The following EML5 variants were observed in gnomAD, a reference collection of about 807,000 sequenced individuals.
The protein encoded by EML5 is EMAP like 5.
A neutral mutation model predicts 250.0 loss-of-function variants in EML5; 120 were observed. The observed-to-expected ratio is 0.48, with a 90% confidence interval of 0.41 to 0.56. The LOEUF (loss-of-function observed/expected upper bound fraction) is 0.56. EML5 is among the 20% of genes least tolerant of loss of function. EML5 has a pLI of 0.00. For missense variants in EML5, 2,006 were observed against 2,437.6 expected (o/e 0.82, Z 3.73); for synonymous variants, 771 against 806.5 (o/e 0.96, Z 0.75).
chr14:88,669,527 C>T (rs1372232597), intron 21 of EML5, among the ~76,000 whole-genome samples: 7 of 152,114 alleles, frequency 4.6e-5, no homozygotes, highest in South Asian at 2.1e-4. Flanking sequence ...CCTCACTGTG[C>T]GGGGCCTCCC....
chr14:88,778,778 A>AAAAACAAAAC (rs201281131), intron 1 of EML5, among the ~76,000 whole-genome samples: 102 of 152,306 alleles, frequency 6.7e-4, no homozygotes, highest in African/African-American at 2.1e-3. Context: ...ACTCCATCTC[A>AAAAACAAAAC]AAAACAAAAC....
chr14:88,647,057 T>C (rs1235328763), intron 28 of EML5, 102 bp from the exon 29 acceptor site: 6 of 1,121,318 alleles, frequency 5.4e-6, no homozygotes, highest in African/African-American at 3.1e-5. Flanking sequence ...ACAAGTTTAA[T>C]GCAGACAGCT....
rs2089746687 is a variant in EML5, at chr14:88,625,261, A to T, written c.4741-134T>A. 3 of 1,036,578 alleles carry T rather than the reference A, an allele frequency of 2.9e-6. No homozygotes were observed. In the East Asian group the frequency reaches 8.2e-5, roughly 28 times the overall value. 64.2% of individuals were successfully genotyped at this position (1,036,578 alleles called of 1,614,324 possible). On this transcript the variant is annotated intron_variant, in intron 35 of 43. Transcript: ENST00000554922. ...GCATGCATCGTGTAGTGGCAGCAGC[A>T]CTGAATTCACGAGTCAGGAAACCTG...
intron 1 of EML5, among the ~76,000 whole-genome samples, chr14:88,760,191 C>T (rs963894331): frequency 2.0e-5 from 3 of 152,052 alleles, no homozygotes; most frequent in Non-Finnish European, 4.4e-5. Flanking sequence ...CTATCTAGTT[C>T]ATTGACTTTT....
intron 1 of EML5, among the ~76,000 whole-genome samples, chr14:88,777,457 G>A (rs2094457406): frequency 6.6e-6 from 1 of 152,140 alleles, no homozygotes; most frequent in Admixed American, 6.5e-5. Context: ...AGAAAGAAAA[G>A]GACATTAATG....
chr14:88,674,127 G>A (rs1310389472), intron 21 of EML5, among the ~76,000 whole-genome samples: 2 of 152,102 alleles, frequency 1.3e-5, no homozygotes, highest in African/African-American at 2.4e-5. Flanking sequence ...AAATTAGCCA[G>A]GCATGGTAGC....
rs775788256 is a variant in EML5, at chr14:88,754,588, G to C, written c.281C>G (p.Thr94Ser). Reference protein sequence around the residue: ...EPYICIWDSYTVQTISVLKDV... With the variant: ...EPYICIWDSYSVQTISVLKDV... ...CTTTAAAACTGATATGGTCTGCACA[G>C]TGTATGAATCCCAAATACAAATATA... Residue 94 changes from threonine (T) to serine (S), a missense_variant, in exon 2 of 44, where the codon ACT becomes AGT. Thr to Ser is a moderately conservative substitution (Grantham distance 58). This residue lies in a region of EML5 where 162 missense variants were observed against 212.2 expected (regional missense o/e 0.76). Transcript: ENST00000554922. The C allele has an allele frequency of 2.5e-6, 4 of 1,613,514 alleles. No homozygotes were observed. The African/African-American group carries it at 5.3e-5, about 22-fold the overall frequency.
intron 2 of EML5, 77 bp downstream of exon 2, chr14:88,754,435 T>C: frequency 7.8e-7 from 1 of 1,285,846 alleles, no homozygotes; most frequent in Non-Finnish European, 1.0e-6. Flanking sequence ...TCCAATTTAA[T>C]ATTTATAGAT....
At chr14:88,774,209 T>C (rs1363388567) in intron 1 of EML5, among the ~76,000 whole-genome samples, 1 of 152,198 alleles carries the variant, frequency 6.6e-6, no homozygotes, top group African/African-American at 2.4e-5. Flanking sequence ...ATTTGGTAGA[T>C]CTGGAATGAG....
At chr14:88,701,103 T>C (rs1014815689) in intron 14 of EML5, among the ~76,000 whole-genome samples, 1 of 152,150 alleles carries the variant, frequency 6.6e-6, no homozygotes, top group African/African-American at 2.4e-5. Flanking sequence ...TAATCATTAG[T>C]TCTTCATTAC....
intron 9 of EML5, among the ~76,000 whole-genome samples, chr14:88,714,486 G>A (rs1181716957): frequency 2.0e-5 from 3 of 152,102 alleles, no homozygotes; most frequent in African/African-American, 7.2e-5. Flanking sequence ...GTTGAGTACA[G>A]TTAATAATGC....
chr14:88,765,632 T>C (rs2094310564), intron 1 of EML5, among the ~76,000 whole-genome samples: 2 of 152,260 alleles, frequency 1.3e-5, no homozygotes, highest in African/African-American at 2.4e-5. Flanking sequence ...TAATTATATC[T>C]GCAAAGTCAT....
At position 88,664,588 on chromosome 14, in the gene EML5, C is replaced by T. The variant is rs572001071; in HGVS notation, c.3314G>A (p.Ser1105Asn). 9 of 1,608,336 alleles carry T rather than the reference C, an allele frequency of 5.6e-6. No individual in the cohort carries two copies. The highest frequency in any genetic ancestry group is 7.6e-6 in the Non-Finnish European group (9 of 1,178,206). Residue 1105 changes from serine (S) to asparagine (N), a missense_variant, in exon 23 of 44, where the codon AGC becomes AAC. Around this residue, in one of 7 missense-constraint regions of EML5, gnomAD observed 1,375 missense variants for 1,590.3 expected, o/e 0.86. Transcript: ENST00000554922. The part of the protein sequence containing the change: ...GKYLAVASHD[S>N]FIDIYNVMSS... ...CATTACATTGTATATATCTATAAAGCTGTCATGGGATGCTACAGCAAGATA... is the reference window on the plus strand; with the variant it reads ...CATTACATTGTATATATCTATAAAGTTGTCATGGGATGCTACAGCAAGATA...
At chr14:88,678,380 T>C (rs1443751296) in intron 21 of EML5, among the ~76,000 whole-genome samples, 1 of 152,160 alleles carries the variant, frequency 6.6e-6, no homozygotes, top group Non-Finnish European at 1.5e-5. Flanking sequence ...CAAGCCATCA[T>C]GGCACACGTT....
At chr14:88,729,874 T>G (rs28813212) in intron 7 of EML5, among the ~76,000 whole-genome samples, 14 of 87,712 alleles carry the variant, frequency 1.6e-4, no homozygotes, top group African/African-American at 2.2e-4. Context: ...TTTTTTGTTT[T>G]TTTTTTTTGT....
chr14:88,658,475 T>C, intron 25 of EML5, 87 bp from the exon 26 acceptor site: 2 of 1,075,178 alleles, frequency 1.9e-6, no homozygotes, highest in Non-Finnish European at 2.6e-6. Context: ...TATTAATAAT[T>C]AAAAATTAAT....
chr14:88,756,321 A>G (rs924036387), intron 1 of EML5, among the ~76,000 whole-genome samples: 3 of 152,226 alleles, frequency 2.0e-5, no homozygotes, highest in Non-Finnish European at 4.4e-5. Context: ...TTCATGATAA[A>G]AACACATAAA....
chr14:88,661,941 G>C, intron 24 of EML5, 111 bp from the exon 25 acceptor site: 3 of 993,456 alleles, frequency 3.0e-6, no homozygotes, highest in Non-Finnish European at 4.3e-6. Flanking sequence ...TAAAATGAAA[G>C]TTTTAATGAA....
At chr14:88,678,495 G>C (rs542767555) in intron 21 of EML5, among the ~76,000 whole-genome samples, 6 of 152,190 alleles carry the variant, frequency 3.9e-5, no homozygotes, top group South Asian at 2.1e-4. Context: ...CGGCATAGCA[G>C]ACTAGTCTTG....
Sources: gnomAD v4.1 joint callset for allele counts (sites outside exome capture counted in the v4.1 genomes callset) on GRCh38, gnomAD v4.1.1 for gene constraint, gnomAD v4.1.1 regional missense constraint, MANE v1.5 for transcripts, NCBI Gene and HGNC (gene_info 2026-07-23, HGNC 2026-07-21) for gene names.